Variants in RBBP6 observed in about 807,000 individuals in gnomAD.
The protein encoded by RBBP6 is E3 ubiquitin-protein ligase RBBP6.
RBBP6 carries 25 observed loss-of-function variants against 167.7 expected under a neutral mutation model. That is an observed-to-expected ratio of 0.15 (90% CI 0.11 to 0.21). The LOEUF (loss-of-function observed/expected upper bound fraction) is 0.21, where lower values mean the gene tolerates loss of function less well. RBBP6 is among the 10% of genes least tolerant of loss of function. RBBP6 has a pLI of 1.00. For missense variants in RBBP6, 1,868 were observed against 2,134.2 expected, an observed-to-expected ratio of 0.88 and a Z score of 2.46; for synonymous variants, 789 against 735.8, an observed-to-expected ratio of 1.07 and a Z score of -1.17.
At chr16:24,562,602 TGTA>T (rs1899092346) in intron 10 of RBBP6, among the ~76,000 whole-genome samples, 2 of 151,700 alleles carry the variant, frequency 1.3e-5, no homozygotes, top group African/African-American at 4.8e-5. Context: ...ATAATTATTA[TGTA>T]GGAGAATAGT....
Position 24,568,930 on chromosome 16 carries a change from G to A in RBBP6, c.2240G>A (p.Arg747Gln), listed in dbSNP as rs761978938. The A allele has an allele frequency of 6.2e-6, 10 of 1,614,202 alleles. No individual in the cohort carries two copies. The highest frequency in any genetic ancestry group is 2.2e-5 in the South Asian group (2 of 91,086). ...GGCAAGAGCCGCAATTACCGTTCACGGTCTAGATCTCATGGATATCATCGA... is the reference window on the plus strand; with the variant it reads ...GGCAAGAGCCGCAATTACCGTTCACAGTCTAGATCTCATGGATATCATCGA... Reference protein sequence around the residue: ...GRGKSRNYRSRSRSHGYHRSR... With the variant: ...GRGKSRNYRSQSRSHGYHRSR... Residue 747 changes from arginine to glutamine, a missense_variant, in exon 17 of 18, where the codon CGG (arginine) becomes CAG (glutamine). By Grantham distance (43) the Arg-to-Gln change is conservative. Transcript: ENST00000319715.
At chr16:24,551,463 G>A (rs1439403835) in intron 3 of RBBP6, among the ~76,000 whole-genome samples, 2 of 151,594 alleles carry the variant, frequency 1.3e-5, no homozygotes, top group Non-Finnish European at 3.0e-5. Flanking sequence ...CTAAATTTGA[G>A]GTAAATTTGA....
chr16:24,561,061 T>TTGCTCCCACGTACTG (rs1174689897), intron 8 of RBBP6, among the ~76,000 whole-genome samples: 1 of 152,166 alleles, frequency 6.6e-6, no homozygotes, highest in Non-Finnish European at 1.5e-5. Context: ...TAATTTAGTG[T>TTGCTCCCACGTACTG]TGCTCCCACG....
intron 1 of RBBP6, among the ~76,000 whole-genome samples, chr16:24,542,834 T>C (rs1377008318): frequency 6.6e-6 from 1 of 152,176 alleles, no homozygotes; most frequent in Non-Finnish European, 1.5e-5. Flanking sequence ...ACCAATTTTT[T>C]TTTCCTAGCC....
chr16:24,549,211 T>C lies in RBBP6; in HGVS notation c.303+230T>C, dbSNP rs949778362. 7.8e-6 allele frequency: 11 copies of C among 1,412,526 alleles called. No individual in the cohort carries two copies. The East Asian group carries it at 2.6e-4, about 33-fold the overall frequency. The allele number at this position is 1,412,526 out of a possible 1,614,324, so 87.5% of individuals were successfully genotyped here. On this transcript the variant is annotated intron_variant, in intron 3 of 17. Transcript: ENST00000319715. Reference sequence around the variant, plus strand: ...GCCCGTAACACTGTTTCATATTAAATATGATAGCATTATCCCTGTATGACA... The same window carrying C: ...GCCCGTAACACTGTTTCATATTAAACATGATAGCATTATCCCTGTATGACA...
intron 1 of RBBP6, 56 bp downstream of exon 1, chr16:24,540,848 A>G (rs1898467075): frequency 6.4e-7 from 1 of 1,566,578 alleles, no homozygotes; most frequent in African/African-American, 1.4e-5. Flanking sequence ...ACTAGCTAGA[A>G]GGTGCCTGGC....
intron 1 of RBBP6, among the ~76,000 whole-genome samples, chr16:24,542,521 C>G (rs1287698908): frequency 2.6e-5 from 4 of 151,756 alleles, no homozygotes; most frequent in Non-Finnish European, 4.4e-5. Flanking sequence ...TGCAGTGGCA[C>G]CATCTTAGCT....
intron 7 of RBBP6, among the ~76,000 whole-genome samples, chr16:24,557,126 G>A (rs905242126): frequency 1.3e-4 from 20 of 151,080 alleles, no homozygotes; most frequent in Admixed American, 3.3e-4. Flanking sequence ...AGCCTCCTGA[G>A]TAGCTGGGAC....
intron 8 of RBBP6, among the ~76,000 whole-genome samples, chr16:24,561,179 A>G (rs1228531020): frequency 6.6e-6 from 1 of 152,106 alleles, no homozygotes; most frequent in African/African-American, 2.4e-5. Flanking sequence ...TGTTTTCTAC[A>G]ATATTCCAGT....
intron 7 of RBBP6, among the ~76,000 whole-genome samples, chr16:24,557,877 T>A (rs1313492406): frequency 6.6e-6 from 1 of 152,232 alleles, no homozygotes; most frequent in East Asian, 1.9e-4. Flanking sequence ...TTTGAATATG[T>A]ACTTCAGCAA....
At chr16:24,541,180 G>GAAAAA (rs1898476909) in intron 1 of RBBP6, among the ~76,000 whole-genome samples, 1 of 55,330 alleles carries the variant, frequency 1.8e-5, no homozygotes, top group African/African-American at 1.2e-4. Flanking sequence ...TGTTCAATCA[G>GAAAAA]CAAAAAAAAA....
In RBBP6 at chr16:24,569,887, C is replaced by T. The variant is rs563310213; in HGVS notation, c.3197C>T (p.Thr1066Ile). 8.1e-6 allele frequency: 13 copies of T among 1,610,846 alleles called. No individual in the cohort carries two copies. The East Asian group carries it at 2.2e-4, about 28-fold the overall frequency. ...CCAATTAAAAAAGCCAAAGAGGAGA[C>T]TCCGAAGACTGACAATACTAAATCA... ...EPPIKKAKEE[T>I]PKTDNTKSSS... Residue 1066 changes from threonine (T) to isoleucine (I), a missense_variant, in exon 17 of 18, where the codon ACT becomes ATT. This residue lies in a region of RBBP6 where 673 missense variants were observed against 691.5 expected (regional missense o/e 0.97). Transcript: ENST00000319715.
At chr16:24,541,185 A>AAG (rs1898478251) in intron 1 of RBBP6, among the ~76,000 whole-genome samples, 1 of 107,642 alleles carries the variant, frequency 9.3e-6, no homozygotes. Flanking sequence ...AATCAGCAAA[A>AAG]AAAAAAACAA....
intron 3 of RBBP6, among the ~76,000 whole-genome samples, chr16:24,549,978 G>C (rs1898756607): frequency 6.6e-6 from 1 of 151,934 alleles, no homozygotes; most frequent in Non-Finnish European, 1.5e-5. Context: ...TTCCTAAGTT[G>C]TGGGGTGAAG....
intron 2 of RBBP6, 73 bp downstream of exon 2, chr16:24,546,335 T>C: frequency 7.1e-7 from 1 of 1,406,064 alleles, no homozygotes; most frequent in Non-Finnish European, 9.2e-7. Context: ...GAAAAAACTG[T>C]ATTTTAGAAC....
chr16:24,554,729 C>G (rs747961304), intron 4 of RBBP6: 4 of 143,406 alleles, frequency 2.8e-5, no homozygotes, highest in Non-Finnish European at 6.1e-5. Flanking sequence ...ACCATTGTTT[C>G]TTTGTGGGGA....
At chr16:24,540,872 C>T in intron 1 of RBBP6, 80 bp downstream of exon 1, 2 of 1,508,178 alleles carry the variant, frequency 1.3e-6, no homozygotes, top group Admixed American at 2.0e-5. Flanking sequence ...AAGCTAACCG[C>T]CATTATGTCT....
intron 2 of RBBP6, among the ~76,000 whole-genome samples, chr16:24,548,718 C>T (rs1221206543): frequency 1.3e-5 from 2 of 151,840 alleles, no homozygotes; most frequent in African/African-American, 4.8e-5. Context: ...TTTTGAATTC[C>T]CTAGTATGGA....
intron 3 of RBBP6, chr16:24,549,334 T>C: frequency 9.2e-7 from 1 of 1,087,074 alleles, no homozygotes; most frequent in Non-Finnish European, 1.1e-6. Context: ...CTATAGTTAG[T>C]ATTTTGTATG....
Sources: gnomAD v4.1 joint callset for allele counts (sites outside exome capture counted in the v4.1 genomes callset) on GRCh38, gnomAD v4.1.1 for gene constraint, gnomAD v4.1.1 regional missense constraint, MANE v1.5 for transcripts, NCBI Gene and HGNC (gene_info 2026-07-23, HGNC 2026-07-21) for gene names.